EYS: variants seen among roughly 807,000 people sequenced by gnomAD.
EYS encodes the protein protein eyes shut homolog.
Under a neutral mutation model 282.1 loss-of-function variants are expected in EYS, and 250 were observed. That is an observed-to-expected ratio of 0.89 (90% confidence interval 0.80 to 0.98). EYS has a LOEUF of 0.98. Among genes scored for constraint, EYS ranks in the 50% least tolerant of loss-of-function variants. EYS has a pLI of 0.00. For missense variants in EYS, 4,016 were observed against 3,709.0 expected (o/e 1.08, Z -2.15); for synonymous variants, 1,355 against 1,282.9 (o/e 1.06, Z -1.20).
intron 5 of EYS, among the ~76,000 whole-genome samples, chr6:65,459,480 T>C (rs1228119314): frequency 6.6e-6 from 1 of 152,002 alleles, no homozygotes; most frequent in Admixed American, 6.6e-5. Flanking sequence ...AATCAATATT[T>C]GGAATATGCA....
At chr6:65,586,630 T>A (rs565250675) in intron 2 of EYS, among the ~76,000 whole-genome samples, 1 of 152,088 alleles carries the variant, frequency 6.6e-6, no homozygotes, top group East Asian at 1.9e-4. Context: ...CATAAAGAAG[T>A]GTGTTCATGC....
chr6:63,832,891 G>A (rs1322642598), intron 36 of EYS, among the ~76,000 whole-genome samples: 4 of 152,160 alleles, frequency 2.6e-5, no homozygotes, highest in African/African-American at 4.8e-5. Context: ...CTTCATCTCT[G>A]GGATGCAAGG....
chr6:64,430,982 C>A (rs187937920), intron 28 of EYS, among the ~76,000 whole-genome samples: 1 of 152,234 alleles, frequency 6.6e-6, no homozygotes, highest in African/African-American at 2.4e-5. Context: ...AATGCCAGGA[C>A]CACAACATAG....
At chr6:65,505,092 T>C (rs1766605519) in intron 2 of EYS, among the ~76,000 whole-genome samples, 1 of 151,926 alleles carries the variant, frequency 6.6e-6, no homozygotes, top group Non-Finnish European at 1.5e-5. Flanking sequence ...TTAATATATG[T>C]AGGCCTATTC....
intron 12 of EYS, among the ~76,000 whole-genome samples, chr6:65,192,302 T>C (rs1765661618): frequency 6.8e-6 from 1 of 147,816 alleles, no homozygotes; most frequent in Non-Finnish European, 1.5e-5. Flanking sequence ...TCTGTGTGTG[T>C]GTGTGTGTGT....
At chr6:63,761,227 A>G (rs557128834) in intron 41 of EYS, among the ~76,000 whole-genome samples, 19 of 152,088 alleles carry the variant, frequency 1.2e-4, no homozygotes, top group African/African-American at 4.3e-4. Flanking sequence ...GAAGCAACAC[A>G]AAATCTCTAC....
At chr6:64,818,004 T>C (rs1764791049) in intron 21 of EYS, among the ~76,000 whole-genome samples, 1 of 152,190 alleles carries the variant, frequency 6.6e-6, no homozygotes, top group Admixed American at 6.5e-5. Flanking sequence ...ATTCTCTTAT[T>C]TCTACTTCAT....
At chr6:65,226,972 C>T (rs560531639) in intron 12 of EYS, among the ~76,000 whole-genome samples, 7 of 152,114 alleles carry the variant, frequency 4.6e-5, no homozygotes, top group East Asian at 3.9e-4. Flanking sequence ...CAGTGGCTCA[C>T]GCCTGTAATC....
intron 14 of EYS, among the ~76,000 whole-genome samples, chr6:64,988,900 C>T (rs1055817079): frequency 6.6e-6 from 1 of 151,456 alleles, no homozygotes; most frequent in African/African-American, 2.4e-5. Context: ...TTACAGCTCA[C>T]TTCCATACAC....
At position 63,858,609 on chromosome 6, in the gene EYS, T is replaced by C. The variant is rs748629962; in HGVS notation, c.7228+5577A>G. 1.8e-3 allele frequency among the ~76,000 whole-genome samples: 267 copies of C among 152,318 alleles called. 3 individuals are homozygous for C. The highest frequency in any genetic ancestry group is 6.9e-3 in the Admixed American group (105 of 15,300). The stretch of plus-strand genomic sequence containing the variant: ...ACAGAGAGAAAGAGGAATCACTTTC[T>C]TGAGCACTTTTTTTCTCATTCCTGT... On this transcript the variant is annotated intron_variant, in intron 36 of 42. Coordinates refer to ENST00000503581, the MANE Select transcript of EYS (RefSeq NM_001142800.2).
intron 2 of EYS, among the ~76,000 whole-genome samples, chr6:65,497,554 C>T (rs1360315479): frequency 6.6e-6 from 1 of 151,918 alleles, no homozygotes; most frequent in Non-Finnish European, 1.5e-5. Context: ...AAGATAAGCA[C>T]TCCATTTAGG....
At chr6:64,987,410 A>G (rs1770897109) in intron 14 of EYS, among the ~76,000 whole-genome samples, 1 of 151,560 alleles carries the variant, frequency 6.6e-6, no homozygotes, top group African/African-American at 2.4e-5. Flanking sequence ...CTCACCTTCT[A>G]TTCACTAAAT....
intron 7 of EYS, among the ~76,000 whole-genome samples, chr6:65,388,014 C>T (rs1765866485): frequency 6.6e-6 from 1 of 151,920 alleles, no homozygotes; most frequent in Non-Finnish European, 1.5e-5. Flanking sequence ...AGAATCTTTG[C>T]AATACTATTG....
intron 11 of EYS, among the ~76,000 whole-genome samples, 168 bp from the exon 12 acceptor site, chr6:65,296,287 T>C (rs574092041): frequency 6.6e-6 from 1 of 152,122 alleles, no homozygotes; most frequent in African/African-American, 2.4e-5. Flanking sequence ...CTTGGCAAAA[T>C]TACTTTTGAT....
chr6:64,435,279 A>G (rs1253397445), intron 28 of EYS, among the ~76,000 whole-genome samples: 2 of 151,920 alleles, frequency 1.3e-5, no homozygotes, highest in African/African-American at 4.8e-5. Flanking sequence ...GGCTTTCCTC[A>G]ATTTATTTGA....
intron 33 of EYS, among the ~76,000 whole-genome samples, chr6:64,004,531 A>G (rs1768248937): frequency 6.6e-6 from 1 of 151,850 alleles, no homozygotes; most frequent in Non-Finnish European, 1.5e-5. Flanking sequence ...ATTGTGTGTC[A>G]TGATGTATAG....
intron 18 of EYS, among the ~76,000 whole-genome samples, chr6:64,901,474 A>G (rs1373084160): frequency 6.6e-6 from 1 of 151,762 alleles, no homozygotes; most frequent in East Asian, 1.9e-4. Flanking sequence ...GAAAATGCCA[A>G]TAAAAACATT....
intron 41 of EYS, chr6:63,741,856 A>G: frequency 1.4e-6 from 1 of 699,080 alleles, no homozygotes; most frequent in Admixed American, 2.0e-5. Flanking sequence ...AGAAAGCTGT[A>G]CTAGGGTAGT....
At chr6:63,824,616 G>A (rs1301409836) in intron 36 of EYS, among the ~76,000 whole-genome samples, 1 of 152,166 alleles carries the variant, frequency 6.6e-6, no homozygotes, top group East Asian at 1.9e-4. Flanking sequence ...CCTCTCCCGA[G>A]CACATACCTC....
Sources: allele counts gnomAD v4.1 joint callset (sites outside exome capture counted in the v4.1 genomes callset), GRCh38; gene constraint gnomAD v4.1.1; transcripts MANE v1.5; gene names NCBI Gene and HGNC (gene_info 2026-07-23, HGNC 2026-07-21).